NTRK2: variants seen among roughly 807,000 people sequenced by gnomAD.
NTRK2 encodes BDNF/NT-3 growth factors receptor.
Under a neutral mutation model 94.5 loss-of-function variants are expected in NTRK2, and 13 were observed. The ratio of observed to expected loss-of-function variants is 0.14; its 90% CI spans 0.09 to 0.22. NTRK2 has a LOEUF of 0.22. Ranked by LOEUF, NTRK2 falls within the 10% of genes least tolerant of loss-of-function variation. The pLI is 1.00. For missense variants in NTRK2, 639 were observed against 1,071.2 expected (o/e 0.60, Z 5.63); for synonymous variants, 372 against 407.4 (o/e 0.91, Z 1.05).
intron 2 of NTRK2, among the ~76,000 whole-genome samples, chr9:84,694,567 A>G (rs1274544342): frequency 6.6e-6 from 1 of 152,184 alleles, no homozygotes; most frequent in African/African-American, 2.4e-5. Context: ...CTGCTCAGGG[A>G]CTGACTTTCA....
chr9:84,779,767 C>G (rs2067386716), intron 12 of NTRK2, among the ~76,000 whole-genome samples: 1 of 152,186 alleles, frequency 6.6e-6, no homozygotes, highest in South Asian at 2.1e-4. Flanking sequence ...TTAATTAGAT[C>G]AGAAAAGAGT....
chr9:84,818,177 A>G (rs2133660059), intron 12 of NTRK2, among the ~76,000 whole-genome samples: 1 of 152,278 alleles, frequency 6.6e-6, no homozygotes, highest in East Asian at 1.9e-4. Flanking sequence ...GCCATGAGGG[A>G]CGTGCCTCAG....
At chr9:84,772,292 T>C (rs2066630666) in intron 12 of NTRK2, among the ~76,000 whole-genome samples, 1 of 152,088 alleles carries the variant, frequency 6.6e-6, no homozygotes, top group Admixed American at 6.6e-5. Flanking sequence ...CACTCTGTCA[T>C]CACCCAGGCT....
intron 2 of NTRK2, among the ~76,000 whole-genome samples, chr9:84,695,685 A>G (rs894583826): frequency 4.6e-5 from 7 of 152,230 alleles, no homozygotes; most frequent in Non-Finnish European, 8.8e-5. Flanking sequence ...ATCACTCTTC[A>G]AAGCTTGAGC....
chr9:85,021,177 G>GT (rs1807203452), intron 18 of NTRK2, 75 bp from the exon 19 acceptor site: 14 of 1,374,474 alleles, frequency 1.0e-5, no homozygotes, highest in Non-Finnish European at 1.3e-5. Flanking sequence ...CTCTTCTGCT[G>GT]TTTTTTTGCA....
At chr9:84,911,224 A>G (rs12682757) in intron 14 of NTRK2, among the ~76,000 whole-genome samples, 6,889 of 152,194 alleles carry the variant, frequency 0.045, 358 homozygotes, top group East Asian at 0.19. Context: ...GGCTTTTTGC[A>G]TATATATTTA....
At chr9:84,755,583 TAAG>T (rs1037964327) in intron 12 of NTRK2, among the ~76,000 whole-genome samples, 2 of 134,202 alleles carry the variant, frequency 1.5e-5, no homozygotes, top group Non-Finnish European at 3.1e-5. Context: ...TGGCCATAGA[TAAG>T]AGATCAGTTT....
rs376293138 is a variant in NTRK2 at position 84,984,742 on chromosome 9, T to C, written c.2172+29225T>C. Among the ~76,000 whole-genome samples, 11 of 152,364 alleles carry C rather than the reference T, an allele frequency of 7.2e-5. No homozygotes were observed. In the South Asian group the frequency reaches 1.9e-3, roughly 26 times the overall value. On this transcript the variant is annotated intron_variant, in intron 17 of 18. Transcript: ENST00000277120. Reference sequence around the variant, plus strand: ...GTTAAGAAGTAGTTTGTGTATAAACTAGAAAGACTTGCTATTGGGAGTACA... The same window carrying C: ...GTTAAGAAGTAGTTTGTGTATAAACCAGAAAGACTTGCTATTGGGAGTACA...
chr9:84,836,273 A>G (rs377311159), intron 12 of NTRK2, among the ~76,000 whole-genome samples: 2 of 152,178 alleles, frequency 1.3e-5, no homozygotes, highest in Non-Finnish European at 2.9e-5. Flanking sequence ...AGAAGAGGGC[A>G]GCTCTTCCTA....
intron 12 of NTRK2, among the ~76,000 whole-genome samples, chr9:84,840,403 C>G (rs1012217497): frequency 3.3e-5 from 5 of 151,772 alleles, no homozygotes; most frequent in African/African-American, 1.2e-4. Flanking sequence ...AAAACACCCA[C>G]AAGCCTCCCC....
chr9:84,886,917 A>C (rs2132260623), intron 14 of NTRK2, among the ~76,000 whole-genome samples: 1 of 152,336 alleles, frequency 6.6e-6, no homozygotes, highest in East Asian at 1.9e-4. Context: ...TGAAAGGAGC[A>C]GTGAATGGGT....
chr9:84,780,125 A>G (rs1346198762), intron 12 of NTRK2, among the ~76,000 whole-genome samples: 1 of 152,036 alleles, frequency 6.6e-6, no homozygotes, highest in Admixed American at 6.6e-5. Context: ...TACGTGTTAG[A>G]GTTCCACCAG....
At chr9:84,948,002 A>G (rs1185951453) in intron 15 of NTRK2, among the ~76,000 whole-genome samples, 1 of 152,228 alleles carries the variant, frequency 6.6e-6, no homozygotes, top group Non-Finnish European at 1.5e-5. Context: ...GTGCAGTGCT[A>G]CATAAAGACA....
chr9:84,687,301 G>A (rs1243015609), intron 2 of NTRK2, among the ~76,000 whole-genome samples: 1 of 152,218 alleles, frequency 6.6e-6, no homozygotes, highest in Non-Finnish European at 1.5e-5. Context: ...TGGCTCTCAC[G>A]ATAAGCCTAG....
chr9:84,876,700 A>T (rs942967546), intron 14 of NTRK2: 1 of 1,060,732 alleles, frequency 9.4e-7, no homozygotes, highest in Middle Eastern at 4.2e-4. Flanking sequence ...GATGCTAATG[A>T]TCACATTTCT....
At chr9:84,934,436 A>G (rs950586475) in intron 15 of NTRK2, 144 bp downstream of exon 15, 1 of 908,110 alleles carries the variant, frequency 1.1e-6, no homozygotes, top group Admixed American at 2.0e-5. Flanking sequence ...TTTAAACTAA[A>G]TGGACAGTGG....
At chr9:84,862,341 G>T (rs2132006086) in intron 13 of NTRK2, among the ~76,000 whole-genome samples, 1 of 152,296 alleles carries the variant, frequency 6.6e-6, no homozygotes, top group Non-Finnish European at 1.5e-5. Flanking sequence ...GCGTGCGTAG[G>T]TGTATCCCGT....
At chr9:84,972,856 G>A (rs1826344829) in intron 17 of NTRK2, among the ~76,000 whole-genome samples, 1 of 151,926 alleles carries the variant, frequency 6.6e-6, no homozygotes, top group South Asian at 2.1e-4. Context: ...ATTTATTTTA[G>A]CCCCCAAAAA....
chr9:84,910,819 A>T (rs2077216589), intron 14 of NTRK2, among the ~76,000 whole-genome samples: 1 of 152,224 alleles, frequency 6.6e-6, no homozygotes, highest in African/African-American at 2.4e-5. Context: ...AAGTTTTAAA[A>T]TCAGGTAGAA....
Sources: allele counts gnomAD v4.1 joint callset (sites outside exome capture counted in the v4.1 genomes callset), GRCh38; gene constraint gnomAD v4.1.1; transcripts MANE v1.5; gene names NCBI Gene and HGNC (gene_info 2026-07-23, HGNC 2026-07-21).